The following NFIX variants were observed in gnomAD, a reference collection of about 807,000 sequenced individuals.
NFIX encodes nuclear factor 1 X-type.
In NFIX, 2 loss-of-function variants were observed where a neutral mutation model predicts 53.3. The ratio of observed to expected loss-of-function variants is 0.04; its 90% CI spans 0.02 to 0.12. The LOEUF is 0.12. NFIX is among the 10% of genes least tolerant of loss of function. The pLI is 1.00. For synonymous variants in NFIX, 244 were observed against 289.0 expected, an observed-to-expected ratio of 0.84 and a Z score of 1.58; for missense variants, 310 against 674.5, an observed-to-expected ratio of 0.46 and a Z score of 5.99.
At position 13,028,465 on chromosome 19, in the gene NFIX, T is replaced by C. The variant is rs1185895249; in HGVS notation, c.559+2913T>C. Among the ~76,000 whole-genome samples the C allele has an allele frequency of 1.3e-5, 2 of 152,240 alleles. No homozygotes were observed. Among genetic ancestry groups the C allele is most frequent in the Non-Finnish European group, 1.5e-5 (1 of 68,042 alleles). ...GTGCCATTGTCACCCATGGCCTTCCTGAGCCCTTGTTATGTCCCAGATGAA... is the reference window on the plus strand; with the variant it reads ...GTGCCATTGTCACCCATGGCCTTCCCGAGCCCTTGTTATGTCCCAGATGAA... On this transcript the variant is annotated intron_variant, in intron 2 of 10. Transcript: ENST00000592199. The surrounding 1 kb of genome is among the most constrained non-coding windows in gnomAD (Gnocchi z 4.2).
intron 2 of NFIX, among the ~76,000 whole-genome samples, chr19:13,053,657 T>TG (rs1404209763): frequency 6.6e-6 from 1 of 152,108 alleles, no homozygotes; most frequent in Non-Finnish European, 1.5e-5. Flanking sequence ...AGGATGTCAG[T>TG]GGGGCACCTA....
chr19:13,067,822 G>A lies in NFIX; in HGVS notation c.560-5225G>A, dbSNP rs1393864456. On this transcript the variant is annotated intron_variant, in intron 2 of 10. Transcript: ENST00000592199. The surrounding 1 kb of genome is among the most constrained non-coding windows in gnomAD (Gnocchi z 4.2). ...ATATATATATATATATTAAAAACAT[G>A]CATCCGGGCACGGTGGCTCACGCCT... Among the ~76,000 whole-genome samples the A allele has an allele frequency of 6.6e-6, 1 of 151,924 alleles. No individual in the cohort carries two copies. Among genetic ancestry groups the A allele is most frequent in the Non-Finnish European group, 1.5e-5 (1 of 67,984 alleles).
In NFIX at chr19:13,051,824, G is replaced by A. The variant is rs1226820778; in HGVS notation, c.560-21223G>A. Among the ~76,000 whole-genome samples, 3 of 152,184 alleles carry A rather than the reference G, an allele frequency of 2.0e-5. No homozygotes were observed. Among genetic ancestry groups the A allele is most frequent in the Non-Finnish European group, 4.4e-5 (3 of 68,030 alleles). On this transcript the variant is annotated intron_variant, in intron 2 of 10. Transcript: ENST00000592199. This position sits in a 1 kb window ranked among gnomAD's most constrained non-coding sequence, Gnocchi z 5.1. ...CCCAGGGGTTAAAGAAACACAACCC[G>A]CCGCTGCCGCCTTAGCAGGTGCCTG...
intron 2 of NFIX, among the ~76,000 whole-genome samples, chr19:13,033,750 G>A (rs1472325249): frequency 6.6e-6 from 1 of 152,234 alleles, no homozygotes; most frequent in Non-Finnish European, 1.5e-5. Context: ...CTGTGCTCCT[G>A]GCTGGGTGTG....
rs2011720849 is a variant in NFIX at position 13,001,889 on chromosome 19, G to A, written c.27+6025G>A. Among the ~76,000 whole-genome samples the A allele has an allele frequency of 6.6e-6, 1 of 152,242 alleles. No individual in the cohort carries two copies. The highest frequency in any genetic ancestry group is 6.5e-5 in the Admixed American group (1 of 15,294). On this transcript the variant is annotated intron_variant, in intron 1 of 10. Coordinates refer to ENST00000592199, the MANE Select transcript of NFIX (RefSeq NM_001365902.3). The surrounding 1 kb of genome is among the most constrained non-coding windows in gnomAD (Gnocchi z 6.5). The stretch of plus-strand genomic sequence containing the variant: ...GAGCGGCCGCAGTGGCCTTGCTGGG[G>A]GCCCCGCCCGTGCCCCTGGCCTGGC...
intron 2 of NFIX, among the ~76,000 whole-genome samples, chr19:13,034,816 G>A (rs1388499729): frequency 6.6e-6 from 1 of 151,992 alleles, no homozygotes; most frequent in African/African-American, 2.4e-5. Flanking sequence ...GGTTCAGGGA[G>A]AGGCTGGCTC....
In NFIX at chr19:13,028,571, A is replaced by C. The variant is rs971844810; in HGVS notation, c.559+3019A>C. Among the ~76,000 whole-genome samples, 5 of 152,176 alleles carry C rather than the reference A, an allele frequency of 3.3e-5. No homozygotes were observed. Among genetic ancestry groups the C allele is most frequent in the Admixed American group, 1.3e-4 (2 of 15,282 alleles). ...ACTCCACTCCCAGAATACTGGGTCC[A>C]AATACAGAATACTAGGTCCAAAAGG... On this transcript the variant is annotated intron_variant, in intron 2 of 10. Transcript: ENST00000592199. The surrounding 1 kb of genome is among the most constrained non-coding windows in gnomAD (Gnocchi z 4.2).
intron 2 of NFIX, among the ~76,000 whole-genome samples, chr19:13,041,852 A>G (rs1341238140): frequency 6.6e-6 from 1 of 151,536 alleles, no homozygotes; most frequent in Non-Finnish European, 1.5e-5. Flanking sequence ...ATTTTTCAAA[A>G]TCTAATTTTT....
intron 1 of NFIX, among the ~76,000 whole-genome samples, chr19:12,999,138 G>A (rs1388887509): frequency 6.6e-6 from 1 of 151,908 alleles, no homozygotes; most frequent in African/African-American, 2.4e-5. Flanking sequence ...AATGCAGTTG[G>A]CTCGCTCAGG....
intron 10 of NFIX, among the ~76,000 whole-genome samples, chr19:13,092,541 CAGGAGCAGAT>C (rs1313972023): frequency 1.3e-5 from 2 of 152,238 alleles, no homozygotes; most frequent in Admixed American, 6.5e-5. Flanking sequence ...CATGATCTGC[CAGGAGCAGAT>C]AGGGCAGGTG....
intron 8 of NFIX, among the ~76,000 whole-genome samples, chr19:13,085,924 G>A (rs1334415921): frequency 6.6e-6 from 1 of 152,222 alleles, no homozygotes; most frequent in Non-Finnish European, 1.5e-5. Context: ...TTGGGGAGCT[G>A]GCAGGGATGG....
intron 10 of NFIX, among the ~76,000 whole-genome samples, chr19:13,091,722 A>G (rs1456121234): frequency 6.6e-6 from 1 of 152,164 alleles, no homozygotes; most frequent in African/African-American, 2.4e-5. Context: ...AAGGGACAGC[A>G]GGCGGGCCTC....
At chr19:13,023,934 T>A in intron 1 of NFIX, 1 of 495,978 alleles carries the variant, frequency 2.0e-6, no homozygotes, top group Non-Finnish European at 3.6e-6. Flanking sequence ...CCCCTGCTCC[T>A]CCTCCTCCCC....
intron 2 of NFIX, among the ~76,000 whole-genome samples, chr19:13,035,615 A>G (rs1170017320): frequency 6.6e-6 from 1 of 151,384 alleles, no homozygotes; most frequent in Admixed American, 6.6e-5. Flanking sequence ...TTTTTTTATT[A>G]TAGTAGTAAA....
At position 13,013,737 on chromosome 19, in the gene NFIX, T is replaced by A. The variant is rs1409348370; in HGVS notation, c.28-11284T>A. 6.6e-6 allele frequency: 1 copy of A among 152,120 alleles called. No individual in the cohort carries two copies. Among genetic ancestry groups the A allele is most frequent in the East Asian group, 1.9e-4 (1 of 5,184 alleles). 9.4% of individuals were successfully genotyped at this position (152,120 alleles called of 1,614,324 possible). A position where few individuals can be genotyped will look rare whatever the true frequency, so the allele number is the denominator to read the frequency against. ...CAGAGGCTGAATGGTAGAAACAGGC[T>A]GTTAAAAAAAGAAAAATACGTGCCG... On this transcript the variant is annotated intron_variant, in intron 1 of 10. Transcript: ENST00000592199. The surrounding 1 kb of genome is among the most constrained non-coding windows in gnomAD (Gnocchi z 5.9).
chr19:13,024,914 G>GC (rs888200304), intron 1 of NFIX, 107 bp from the exon 2 acceptor site: 37 of 1,444,794 alleles, frequency 2.6e-5, no homozygotes, highest in East Asian at 1.5e-4. Flanking sequence ...TTTTCCTTGT[G>GC]CCCCCCCTTC....
chr19:13,018,471 C>CCTCT (rs1467052441), intron 1 of NFIX, among the ~76,000 whole-genome samples: 2 of 151,970 alleles, frequency 1.3e-5, no homozygotes, highest in African/African-American at 4.8e-5. Flanking sequence ...AGAAACTGCG[C>CCTCT]AGAGCCGCCT....
chr19:13,075,140 C>A (rs2017014826), intron 5 of NFIX, among the ~76,000 whole-genome samples: 1 of 149,966 alleles, frequency 6.7e-6, no homozygotes, highest in Non-Finnish European at 1.5e-5. Flanking sequence ...GCATTTTTGT[C>A]CCCCTGACAT....
chr19:13,092,553 G>A (rs2018206158), intron 10 of NFIX, among the ~76,000 whole-genome samples: 1 of 152,252 alleles, frequency 6.6e-6, no homozygotes, highest in Admixed American at 6.5e-5. Context: ...GGAGCAGATA[G>A]GGCAGGTGGG....
Sources: gnomAD v4.1 joint callset for allele counts (sites outside exome capture counted in the v4.1 genomes callset) on GRCh38, gnomAD v4.1.1 for gene constraint, Gnocchi (gnomAD v3.1) non-coding constraint, MANE v1.5 for transcripts, NCBI Gene and HGNC (gene_info 2026-07-23, HGNC 2026-07-21) for gene names.